The following KMT2E variants were observed in gnomAD, a reference collection of about 807,000 sequenced individuals.
KMT2E encodes lysine methyltransferase 2E (inactive), also known as histone reader KMT2E.
Under a neutral mutation model 184.6 loss-of-function variants are expected in KMT2E, and 30 were observed. The ratio of observed to expected loss-of-function variants is 0.16; its 90% CI spans 0.12 to 0.22. KMT2E has a LOEUF of 0.22. KMT2E is among the 10% of genes least tolerant of loss of function. The pLI is 1.00. For synonymous variants in KMT2E, 815 were observed against 776.5 expected (o/e 1.05, Z -0.82); for missense variants, 2,023 against 2,237.4 (o/e 0.90, Z 1.93).
intron 5 of KMT2E, among the ~76,000 whole-genome samples, chr7:105,064,533 T>C (rs1182868157): frequency 6.6e-6 from 1 of 152,142 alleles, no homozygotes; most frequent in Admixed American, 6.6e-5. Context: ...AACATGCAGT[T>C]AGCATTATGT....
intron 2 of KMT2E, 92 bp downstream of exon 2, chr7:105,038,291 TTGA>T (rs1795745996): frequency 1.3e-5 from 2 of 152,254 alleles, no homozygotes; most frequent in African/African-American, 4.8e-5. Context: ...GACCAGTTTT[TTGA>T]TTCACACATA....
intron 1 of KMT2E, among the ~76,000 whole-genome samples, chr7:105,029,565 G>A (rs1166668374): frequency 1.3e-5 from 2 of 152,178 alleles, no homozygotes; most frequent in Admixed American, 1.3e-4. Context: ...GAAGATGATG[G>A]TAGGGGCCAT....
At chr7:105,031,430 C>A (rs548266871) in intron 1 of KMT2E, among the ~76,000 whole-genome samples, 17 of 151,308 alleles carry the variant, frequency 1.1e-4, no homozygotes, top group African/African-American at 3.2e-4. Flanking sequence ...TCATTTTAAT[C>A]AAAAACCTGC....
At chr7:105,017,672 C>T (rs1357011834) in intron 1 of KMT2E, among the ~76,000 whole-genome samples, 2 of 151,998 alleles carry the variant, frequency 1.3e-5, no homozygotes, top group Non-Finnish European at 2.9e-5. Flanking sequence ...GGAAACTAGT[C>T]AAATGGTCTT....
intron 23 of KMT2E, among the ~76,000 whole-genome samples, 186 bp downstream of exon 23, chr7:105,109,414 T>C (rs1204202028): frequency 6.6e-6 from 1 of 152,250 alleles, no homozygotes; most frequent in African/African-American, 2.4e-5. Flanking sequence ...CGATTGTATT[T>C]ATTCCTTGGT....
At chr7:105,039,984 A>G (rs899919315) in intron 2 of KMT2E, among the ~76,000 whole-genome samples, 1 of 151,150 alleles carries the variant, frequency 6.6e-6, no homozygotes, top group Non-Finnish European at 1.5e-5. Context: ...TTTAGTTGCT[A>G]TTGTAAATTT....
chr7:105,020,289 T>TA (rs1327520512), intron 1 of KMT2E, among the ~76,000 whole-genome samples: 2 of 152,128 alleles, frequency 1.3e-5, no homozygotes, highest in African/African-American at 2.4e-5. Flanking sequence ...TTGTGGTACT[T>TA]ACAACTTTAA....
intron 1 of KMT2E, among the ~76,000 whole-genome samples, chr7:105,034,127 A>G (rs774909286): frequency 1.1e-4 from 16 of 152,234 alleles, no homozygotes; most frequent in Non-Finnish European, 1.5e-4. Context: ...TTAAGGTTTC[A>G]ACATGAGTTT....
intron 12 of KMT2E, 43 bp downstream of exon 12, chr7:105,079,006 G>A (rs1039518817): frequency 3.8e-6 from 4 of 1,053,184 alleles, no homozygotes; most frequent in Non-Finnish European, 4.5e-6. Context: ...GGTGCTGGGG[G>A]TGTGTTGGAA....
intron 3 of KMT2E, among the ~76,000 whole-genome samples, chr7:105,055,306 A>T (rs1385585989): frequency 6.9e-6 from 1 of 145,802 alleles, no homozygotes; most frequent in Admixed American, 7.1e-5. Context: ...CTCCTACCTC[A>T]GCCTCCCAAA....
chr7:105,069,577 AT>A (rs1158511280), intron 6 of KMT2E, among the ~76,000 whole-genome samples: 3 of 152,166 alleles, frequency 2.0e-5, no homozygotes, highest in Non-Finnish European at 4.4e-5. Context: ...ATACACACTT[AT>A]GTTGTTTAGG....
chr7:105,099,029 G>A (rs931096714), intron 15 of KMT2E, among the ~76,000 whole-genome samples: 7 of 152,080 alleles, frequency 4.6e-5, no homozygotes, highest in Non-Finnish European at 8.8e-5. Flanking sequence ...CTTTAAATAG[G>A]TACCATATAC....
At chr7:105,071,530 T>C (rs1367823151) in intron 6 of KMT2E, among the ~76,000 whole-genome samples, 1 of 143,976 alleles carries the variant, frequency 6.9e-6, no homozygotes, top group Non-Finnish European at 1.5e-5. Context: ...CACACCCTGC[T>C]AATTTGTGTG....
At chr7:105,073,952 C>A (rs1797432095) in intron 7 of KMT2E, among the ~76,000 whole-genome samples, 1 of 151,906 alleles carries the variant, frequency 6.6e-6, no homozygotes. Context: ...CATAGCTAAC[C>A]TGTTGGTTTA....
chr7:105,045,459 T>C (rs1796065217), intron 3 of KMT2E, among the ~76,000 whole-genome samples: 1 of 152,236 alleles, frequency 6.6e-6, no homozygotes. Flanking sequence ...TTCTTTCCCC[T>C]TCTCCTAGTA....
rs1799050033 is a variant in KMT2E, at chr7:105,109,065, G to A, written c.3592G>A (p.Gly1198Ser). The change falls in exon 23 of 27, where the codon GGC (glycine) becomes AGC (serine). Residue 1198 changes from glycine (G) to serine (S), a missense_variant. Gly to Ser is a moderately conservative substitution (Grantham distance 56, BLOSUM62 0). Around this residue, in one of 8 missense-constraint regions of KMT2E, gnomAD observed 1,108 missense variants for 1,050.9 expected, o/e 1.05. Transcript: ENST00000311117. ...ASGSLSNNGDGCASSNDNGEQ... is the reference protein window; with the variant it reads ...ASGSLSNNGDSCASSNDNGEQ... ...TGGAAGCTTGAGCAACAATGGTGAT[G>A]GCTGTGCCAGCAGTAATGACAATGG... is the stretch of plus-strand genomic sequence containing the variant. 6.2e-7 allele frequency: 1 copy of A among 1,614,076 alleles called. No individual in the cohort carries two copies. Among genetic ancestry groups the A allele is most frequent in the African/African-American group, 1.3e-5 (1 of 74,934 alleles).
At chr7:105,092,910 T>C (rs1192283382) in intron 15 of KMT2E, among the ~76,000 whole-genome samples, 2 of 152,076 alleles carry the variant, frequency 1.3e-5, no homozygotes, top group Admixed American at 6.6e-5. Flanking sequence ...AAAAAAATCA[T>C]AGGCCAGGCG....
At position 105,049,616 on chromosome 7, in the gene KMT2E, C is replaced by T. The variant is rs527625319; in HGVS notation, c.71+8593C>T. On this transcript the variant is annotated intron_variant, in intron 3 of 26. Coordinates refer to ENST00000311117, the MANE Select transcript of KMT2E (RefSeq NM_182931.3). ...CTTACAAAACAGAAAAATGGCCAGG[C>T]GCGGTGGCTCACGCCTGTAATCCCA... is the stretch of plus-strand genomic sequence containing the variant. Among the ~76,000 whole-genome samples the T allele has an allele frequency of 8.5e-5, 13 of 152,100 alleles. No individual in the cohort carries two copies. In the East Asian group the frequency reaches 2.5e-3, roughly 29 times the overall value.
At chr7:105,110,048 T>G (rs1799132830) in intron 23 of KMT2E, among the ~76,000 whole-genome samples, 1 of 152,128 alleles carries the variant, frequency 6.6e-6, no homozygotes, top group Non-Finnish European at 1.5e-5. Context: ...CTGGCCAGGC[T>G]GGTCTCAGAC....
Sources: allele counts gnomAD v4.1 joint callset (sites outside exome capture counted in the v4.1 genomes callset), GRCh38; gene constraint gnomAD v4.1.1; regional missense constraint gnomAD v4.1.1; transcripts MANE v1.5; gene names NCBI Gene and HGNC (gene_info 2026-07-23, HGNC 2026-07-21).